The following TAS2R1 variants were observed in gnomAD, a reference collection of about 807,000 sequenced individuals.
TAS2R1 encodes the protein taste receptor type 2 member 1.
For synonymous variants in TAS2R1, 141 were observed against 134.2 expected (o/e 1.05, Z -0.35); for missense variants, 370 against 353.4 (o/e 1.05, Z -0.38).
At chr5:9,684,727 C>T (rs1368682631) in intron 1 of TAS2R1, among the ~76,000 whole-genome samples, 2 of 151,980 alleles carry the variant, frequency 1.3e-5, no homozygotes, top group Non-Finnish European at 2.9e-5. Flanking sequence ...TGAATATTTC[C>T]CACATAAATG....
At chr5:9,639,121 C>T (rs546830632) in intron 2 of TAS2R1, among the ~76,000 whole-genome samples, 3 of 152,314 alleles carry the variant, frequency 2.0e-5, no homozygotes, top group East Asian at 1.9e-4. Flanking sequence ...ACACCCCAGA[C>T]TCTGCTCAAG....
chr5:9,770,402 T>G, the TAS2R1 span, among the ~76,000 whole-genome samples: 1 of 152,202 alleles, frequency 6.6e-6, no homozygotes, highest in African/African-American at 2.4e-5. Context: ...TTTTGGGTCT[T>G]TTGTGGTTCC....
intron 1 of TAS2R1, among the ~76,000 whole-genome samples, chr5:9,704,688 C>T (rs1424940155): frequency 6.6e-6 from 1 of 152,172 alleles, no homozygotes; most frequent in Non-Finnish European, 1.5e-5. Context: ...TTCATACTAA[C>T]TTATAACAGA....
the TAS2R1 span, among the ~76,000 whole-genome samples, chr5:9,785,444 T>C: frequency 6.6e-6 from 1 of 152,236 alleles, no homozygotes; most frequent in African/African-American, 2.4e-5. Flanking sequence ...TTCTGCAGTG[T>C]GGGCATTAGC....
At chr5:9,884,009 G>A in the TAS2R1 span, 1 of 152,162 alleles carries the variant, frequency 6.6e-6, no homozygotes, top group Non-Finnish European at 1.5e-5. Flanking sequence ...TCTTCCCTTA[G>A]TGGAAAGGAG....
At chr5:9,686,111 T>C (rs931649585) in intron 1 of TAS2R1, among the ~76,000 whole-genome samples, 2 of 152,196 alleles carry the variant, frequency 1.3e-5, no homozygotes, top group East Asian at 3.9e-4. Flanking sequence ...GAGATCTGCC[T>C]GCCTCAGCCT....
the TAS2R1 span, among the ~76,000 whole-genome samples, chr5:9,740,819 C>T: frequency 0.039 from 6,001 of 152,288 alleles, 127 homozygotes; most frequent in Non-Finnish European, 0.052. Context: ...ATGAAAATAT[C>T]CTTCTTACAC....
chr5:9,670,875 A>G (rs1740735970), intron 1 of TAS2R1, among the ~76,000 whole-genome samples: 1 of 152,262 alleles, frequency 6.6e-6, no homozygotes, highest in Non-Finnish European at 1.5e-5. Flanking sequence ...TGATAAACAT[A>G]GGTGCAAAAC....
intron 2 of TAS2R1, among the ~76,000 whole-genome samples, chr5:9,639,263 G>A (rs1175186117): frequency 6.6e-6 from 1 of 152,254 alleles, no homozygotes; most frequent in East Asian, 1.9e-4. Flanking sequence ...GGCTTCCCTG[G>A]GCTCAAGCTG....
intron 1 of TAS2R1, chr5:9,712,123 A>G (rs1308523356): frequency 6.6e-6 from 1 of 152,212 alleles, no homozygotes; most frequent in Non-Finnish European, 1.5e-5. Flanking sequence ...ACATGTAAAC[A>G]AAGTGTCTAA....
In TAS2R1 at chr5:9,628,159, TC is replaced by T. The variant is rs1186962050; in HGVS notation, c.*973del. Among the ~76,000 whole-genome samples, 67 of 151,812 alleles carry T rather than the reference TC, an allele frequency of 4.4e-4. No homozygotes were observed. Among genetic ancestry groups the T allele is most frequent in the Non-Finnish European group, 7.8e-4 (53 of 67,976 alleles). On this transcript the variant is annotated 3_prime_UTR_variant, in exon 1 of 1. Transcript: ENST00000382492. Reference sequence around the variant, plus strand: ...ATCTATCTATCTATCTATCTATCTATCTATCTATCTATCTATCTCTTAGTAT... The same window carrying T: ...ATCTATCTATCTATCTATCTATCTATTATCTATCTATCTATCTCTTAGTAT...
chr5:9,753,076 G>T, the TAS2R1 span, among the ~76,000 whole-genome samples: 1 of 152,150 alleles, frequency 6.6e-6, no homozygotes, highest in Non-Finnish European at 1.5e-5. Flanking sequence ...TAATGGGATG[G>T]CTGGGTCAAA....
At position 9,667,601 on chromosome 5, in the gene TAS2R1, G is replaced by A. The variant is rs140502610; in HGVS notation, c.-241-8020C>T. Among the ~76,000 whole-genome samples the A allele has an allele frequency of 3.4e-3, 511 of 152,238 alleles. 1 individual carries two copies. The highest frequency in any genetic ancestry group is 6.0e-3 in the Non-Finnish European group (410 of 68,018). Reference sequence around the variant, plus strand: ...TGCCAGCTTTGGCCCCTGCCCGAGGGAGACACATGGAGCAGAACACCCAAC... The same window carrying A: ...TGCCAGCTTTGGCCCCTGCCCGAGGAAGACACATGGAGCAGAACACCCAAC... On this transcript the variant is annotated intron_variant, in intron 1 of 2. Transcript: ENST00000506620.
chr5:9,888,771 T>G, the TAS2R1 span, among the ~76,000 whole-genome samples: 1 of 152,032 alleles, frequency 6.6e-6, no homozygotes, highest in Admixed American at 6.5e-5. Flanking sequence ...AGGGAGGGGA[T>G]GACTCACAGA....
upstream of TAS2R1, chr5:9,714,190 C>T (rs1734760659): frequency 6.6e-6 from 1 of 152,188 alleles, no homozygotes; most frequent in Non-Finnish European, 1.5e-5. Context: ...AGGTTGACTG[C>T]TTTTCCTCCC....
chr5:9,872,579 C>A, the TAS2R1 span, among the ~76,000 whole-genome samples: 1 of 152,110 alleles, frequency 6.6e-6, no homozygotes, highest in African/African-American at 2.4e-5. Context: ...CTTTCCACTG[C>A]CCTTACAATA....
At chr5:9,632,460 T>C (rs1424195945), upstream of TAS2R1, among the ~76,000 whole-genome samples, 2 of 152,192 alleles carry the variant, frequency 1.3e-5, no homozygotes. Context: ...TGTGCATTGA[T>C]GAACTCTTCC....
intron 2 of TAS2R1, among the ~76,000 whole-genome samples, chr5:9,647,112 G>A (rs895843433): frequency 3.3e-5 from 5 of 151,976 alleles, no homozygotes; most frequent in Admixed American, 1.3e-4. Flanking sequence ...CCATGAACTC[G>A]GCTTTTTAAA....
chr5:9,839,945 C>A, the TAS2R1 span, among the ~76,000 whole-genome samples: 14 of 152,268 alleles, frequency 9.2e-5, no homozygotes, highest in Middle Eastern at 3.4e-3. Context: ...AGGCCAAACC[C>A]AATTTGGCTT....
Sources: allele counts gnomAD v4.1 joint callset (sites outside exome capture counted in the v4.1 genomes callset), GRCh38; gene constraint gnomAD v4.1.1; transcripts MANE v1.5; gene names NCBI Gene and HGNC (gene_info 2026-07-23, HGNC 2026-07-21).